The following DMD variants were observed in gnomAD, a reference collection of about 807,000 sequenced individuals.
The protein encoded by DMD is mutant dystrophin.
In DMD, 63 loss-of-function variants were observed where a neutral mutation model predicts 330.1. The ratio of observed to expected loss-of-function variants is 0.19; its 90% CI spans 0.16 to 0.24. The LOEUF (loss-of-function observed/expected upper bound fraction) is 0.24. Ranked by LOEUF, DMD falls within the 10% of genes least tolerant of loss-of-function variation. DMD has a pLI of 1.00. For synonymous variants in DMD, 1,223 were observed against 959.8 expected, an observed-to-expected ratio of 1.27 and a Z score of -5.07; for missense variants, 3,344 against 2,684.1, an observed-to-expected ratio of 1.25 and a Z score of -5.43.
At chrX:32,526,685 A>G (rs1018444161) in intron 17 of DMD, among the ~76,000 whole-genome samples, 2 of 112,005 alleles carry the variant, frequency 1.8e-5, no homozygotes, top group African/African-American at 6.5e-5. Flanking sequence ...AAATGTTTAA[A>G]ATAAATTCAA....
At chrX:33,193,537 C>T (rs927644977) in intron 1 of DMD, among the ~76,000 whole-genome samples, 6 of 112,050 alleles carry the variant, frequency 5.4e-5, no homozygotes, top group Non-Finnish European at 1.1e-4. Flanking sequence ...GTATATTCAT[C>T]AATTAGTATC....
chrX:32,345,152 A>G, intron 39 of DMD, among the ~76,000 whole-genome samples: 1 of 111,590 alleles, frequency 9.0e-6, no homozygotes. Context: ...TACAAGGAAA[A>G]GCTCAGCAAT....
intron 1 of DMD, among the ~76,000 whole-genome samples, chrX:33,026,786 G>A (rs1376292312): frequency 8.9e-6 from 1 of 111,942 alleles, no homozygotes; most frequent in Non-Finnish European, 1.9e-5. Flanking sequence ...TCGCTTTACA[G>A]TCAATGTAAT....
In DMD at chrX:32,769,603, G is replaced by A. The variant is rs148249883; in HGVS notation, c.649+39890C>T. Reference sequence around the variant, plus strand: ...GGTTGTTTAGCTAATTCAGTGACACGAGATCACACTTTGTTTCTGATGATT... The same window carrying A: ...GGTTGTTTAGCTAATTCAGTGACACAAGATCACACTTTGTTTCTGATGATT... On this transcript the variant is annotated intron_variant, in intron 7 of 78. Transcript: ENST00000357033. Among the ~76,000 whole-genome samples the A allele has an allele frequency of 2.7e-4, 30 of 111,184 alleles. No homozygotes were observed. The East Asian group carries it at 7.9e-3, about 29-fold the overall frequency.
intron 30 of DMD, among the ~76,000 whole-genome samples, chrX:32,393,618 CAG>C (rs772632317): frequency 3.6e-5 from 4 of 111,107 alleles, no homozygotes; most frequent in African/African-American, 9.8e-5. Flanking sequence ...AAGAGGGAAA[CAG>C]GGTACATTTG....
intron 4 of DMD, among the ~76,000 whole-genome samples, chrX:32,829,203 G>T (rs1603443072): frequency 9.0e-6 from 1 of 111,024 alleles, no homozygotes; most frequent in Admixed American, 9.7e-5. Context: ...ATATGCTTTG[G>T]AATAGCTTAA....
At chrX:32,049,584 T>C (rs998959580) in intron 44 of DMD, among the ~76,000 whole-genome samples, 30 of 111,451 alleles carry the variant, frequency 2.7e-4, no homozygotes, top group African/African-American at 8.1e-4. Context: ...AAACGCACCA[T>C]TAAACCTGTA....
chrX:33,318,432 C>T (rs5928233), intron 1 of DMD, among the ~76,000 whole-genome samples: 1 of 106,899 alleles, frequency 9.4e-6, no homozygotes, highest in South Asian at 4.1e-4. Flanking sequence ...GATGTTTACA[C>T]ATTTAATTAC....
intron 62 of DMD, among the ~76,000 whole-genome samples, chrX:31,276,656 ACAT>A: frequency 8.9e-6 from 1 of 112,059 alleles, no homozygotes; most frequent in Non-Finnish European, 1.9e-5. Context: ...AATGTTTATA[ACAT>A]CATTTTTTTC....
intron 44 of DMD, among the ~76,000 whole-genome samples, chrX:32,087,072 C>G (rs1004672239): frequency 9.0e-6 from 1 of 111,314 alleles, no homozygotes; most frequent in Admixed American, 9.6e-5. Context: ...CTATCTTAAC[C>G]ACCACTCCCT....
At chrX:31,785,813 G>A (rs760789308) in intron 50 of DMD, among the ~76,000 whole-genome samples, 2 of 111,782 alleles carry the variant, frequency 1.8e-5, no homozygotes, top group Non-Finnish European at 3.8e-5. Context: ...GTATTCTATG[G>A]TGTATATGTG....
intron 7 of DMD, among the ~76,000 whole-genome samples, chrX:32,731,017 G>A (rs942691583): frequency 5.4e-5 from 6 of 111,552 alleles, no homozygotes; most frequent in Non-Finnish European, 1.1e-4. Context: ...ATCTCACTAG[G>A]GAGTGCCAGA....
Position 31,119,367 on chromosome X carries a change from C to T in DMD, c.*2552G>A, listed in dbSNP as rs1271033666. The T allele has an allele frequency of 8.9e-6, 1 of 112,132 alleles. No homozygotes were observed. The highest frequency in any genetic ancestry group is 1.9e-5 in the Non-Finnish European group (1 of 53,065). 9.2% of individuals were successfully genotyped at this position (112,132 alleles called of 1,213,427 possible). ...TTAAAAAAATAATTCGTAAATGTTA[C>T]AGTGTTGGTGTTAAAACACAATATA... On this transcript the variant is annotated 3_prime_UTR_variant, in exon 79 of 79. Coordinates refer to ENST00000357033, the MANE Select transcript of DMD (RefSeq NM_004006.3).
chrX:32,678,863 C>A (rs993659179), intron 9 of DMD, among the ~76,000 whole-genome samples: 1 of 111,129 alleles, frequency 9.0e-6, no homozygotes, highest in African/African-American at 3.3e-5. Context: ...ACAACTTTGG[C>A]AATAAAACAG....
At chrX:32,033,599 C>CAGAAAGAAAGAAAGAAAGAA (rs1247931001) in intron 44 of DMD, among the ~76,000 whole-genome samples, 2 of 33,130 alleles carry the variant, frequency 6.0e-5, no homozygotes, top group African/African-American at 3.0e-4. Context: ...GACAGACAGA[C>CAGAAAGAAAGAAAGAAAGAA]AGACAGAAAG....
intron 51 of DMD, among the ~76,000 whole-genome samples, chrX:31,733,614 G>A (rs986126747): frequency 1.1e-4 from 12 of 111,312 alleles, no homozygotes; most frequent in East Asian, 8.4e-4. Flanking sequence ...AAGAGTTTAC[G>A]GAACCATTTT....
At chrX:32,817,228 T>C (rs1373940514) in intron 5 of DMD, among the ~76,000 whole-genome samples, 1 of 111,222 alleles carries the variant, frequency 9.0e-6, no homozygotes, top group African/African-American at 3.3e-5. Flanking sequence ...CTATATTTAT[T>C]GGCTGAACTG....
intron 1 of DMD, among the ~76,000 whole-genome samples, chrX:33,288,625 T>C (rs1200660186): frequency 4.5e-5 from 5 of 111,092 alleles, no homozygotes; most frequent in Non-Finnish European, 9.4e-5. Flanking sequence ...CAAACTTTCC[T>C]GCCTCATTTC....
At chrX:32,386,553 T>C in intron 32 of DMD, 88 bp from the exon 33 acceptor site, 1 of 830,236 alleles carries the variant, frequency 1.2e-6, no homozygotes, top group African/African-American at 2.0e-5. Flanking sequence ...GAGATCCCCT[T>C]AATTGCTATT....
Sources: allele counts gnomAD v4.1 joint callset (sites outside exome capture counted in the v4.1 genomes callset), GRCh38; gene constraint gnomAD v4.1.1; transcripts MANE v1.5; gene names NCBI Gene and HGNC (gene_info 2026-07-23, HGNC 2026-07-21).